PDZD2: variants seen among roughly 807,000 people sequenced by gnomAD.
PDZD2 encodes the protein PDZ domain containing 2, also known as PDZ domain-containing protein 2.
PDZD2 carries 90 observed loss-of-function variants against 220.7 expected under a neutral mutation model. That is an observed-to-expected ratio of 0.41 (90% CI 0.34 to 0.49). PDZD2 has a LOEUF of 0.49. PDZD2 is among the 20% of genes least tolerant of loss of function. PDZD2 has a pLI of 0.28. For missense variants in PDZD2, 3,174 were observed against 3,608.5 expected, an observed-to-expected ratio of 0.88 and a Z score of 3.08; for synonymous variants, 1,375 against 1,450.5, an observed-to-expected ratio of 0.95 and a Z score of 1.18.
chr5:31,852,648 G>A (rs1406990760), intron 2 of PDZD2, among the ~76,000 whole-genome samples: 2 of 152,180 alleles, frequency 1.3e-5, no homozygotes, highest in African/African-American at 4.8e-5. Context: ...CCAGGCTGGA[G>A]TGCAGTGATG....
chr5:31,678,616 A>G (rs1451042011), intron 1 of PDZD2, among the ~76,000 whole-genome samples: 3 of 152,006 alleles, frequency 2.0e-5, no homozygotes, highest in Admixed American at 6.6e-5. Context: ...GAATTTCTTA[A>G]TTAATTTATT....
chr5:31,695,765 T>C (rs1747353107), intron 1 of PDZD2, among the ~76,000 whole-genome samples: 1 of 152,168 alleles, frequency 6.6e-6, no homozygotes, highest in African/African-American at 2.4e-5. Context: ...TGGGTCTCCT[T>C]GGTCAGCCTT....
At chr5:31,780,415 T>C (rs1219038500) in intron 1 of PDZD2, among the ~76,000 whole-genome samples, 2 of 152,178 alleles carry the variant, frequency 1.3e-5, no homozygotes, top group African/African-American at 2.4e-5. Context: ...TGTTTAAATA[T>C]GGAGGTTTTG....
At chr5:32,102,972 A>AAT (rs1744397121) in intron 24 of PDZD2, among the ~76,000 whole-genome samples, 1 of 152,210 alleles carries the variant, frequency 6.6e-6, no homozygotes, top group South Asian at 2.1e-4. Flanking sequence ...TTTTTAAATT[A>AAT]ATGAGTAAAA....
intron 2 of PDZD2, among the ~76,000 whole-genome samples, chr5:31,846,264 G>C (rs1757583118): frequency 6.6e-6 from 1 of 152,202 alleles, no homozygotes; most frequent in South Asian, 2.1e-4. Context: ...CTCCCGAGTA[G>C]CTGGGATTAC....
chr5:31,826,944 T>G (rs890806072), intron 2 of PDZD2, among the ~76,000 whole-genome samples: 1 of 152,086 alleles, frequency 6.6e-6, no homozygotes, highest in African/African-American at 2.4e-5. Flanking sequence ...GACCTGAGTC[T>G]TTTTTTGCTG....
chr5:31,823,154 C>CAA lies in PDZD2; in HGVS notation c.476+23457_476+23458dup, dbSNP rs397997277. The CAA allele has an allele frequency of 2.9e-4, 31 of 105,458 alleles. 2 individuals carry two copies. Among genetic ancestry groups the CAA allele is most frequent in the African/African-American group, 1.1e-3 (26 of 23,028 alleles). 6.5% of individuals were successfully genotyped at this position (105,458 alleles called of 1,614,324 possible). On this transcript the variant is annotated intron_variant, in intron 2 of 24. Coordinates refer to ENST00000438447, the MANE Select transcript of PDZD2 (RefSeq NM_178140.4). Reference sequence around the variant, plus strand: ...GTCTTCATTCTCGCAGTAGACGTGGCAAAAAAAAAAAAAAAAAAAAAAAAA... The same window carrying CAA: ...GTCTTCATTCTCGCAGTAGACGTGGCAAAAAAAAAAAAAAAAAAAAAAAAAAA...
At chr5:31,685,387 T>C (rs1746812574) in intron 1 of PDZD2, among the ~76,000 whole-genome samples, 1 of 152,188 alleles carries the variant, frequency 6.6e-6, no homozygotes, top group African/African-American at 2.4e-5. Flanking sequence ...AAGAACTTTG[T>C]AATATGGAAA....
chr5:31,889,486 CA>C (rs1740815371), intron 2 of PDZD2, among the ~76,000 whole-genome samples: 1 of 152,192 alleles, frequency 6.6e-6, no homozygotes, highest in South Asian at 2.1e-4. Context: ...CCTGGCTTTG[CA>C]CAGACCTCAC....
At chr5:32,079,395 C>T (rs1741690680) in intron 19 of PDZD2, among the ~76,000 whole-genome samples, 1 of 151,912 alleles carries the variant, frequency 6.6e-6, no homozygotes, top group Non-Finnish European at 1.5e-5. Flanking sequence ...GGAGTCCCGG[C>T]AGTCCTCCGC....
At chr5:31,716,578 T>A (rs7713488) in intron 1 of PDZD2, among the ~76,000 whole-genome samples, 5 of 151,684 alleles carry the variant, frequency 3.3e-5, no homozygotes, top group South Asian at 2.1e-4. Flanking sequence ...CAAGGCGGGC[T>A]GATCACTTGA....
At chr5:31,851,719 T>C (rs1202001311) in intron 2 of PDZD2, among the ~76,000 whole-genome samples, 2 of 152,220 alleles carry the variant, frequency 1.3e-5, no homozygotes, top group Non-Finnish European at 2.9e-5. Flanking sequence ...TACTGGGCCA[T>C]TGATCTCTTT....
intron 2 of PDZD2, chr5:31,841,105 G>A (rs1463253617): frequency 4.7e-6 from 1 of 211,100 alleles, no homozygotes; most frequent in Non-Finnish European, 9.4e-6. Context: ...GTTCAGTAAG[G>A]CATAAAGAAG....
chr5:31,842,861 T>TTTG (rs1432688261), intron 2 of PDZD2, among the ~76,000 whole-genome samples: 1 of 152,118 alleles, frequency 6.6e-6, no homozygotes, highest in South Asian at 2.1e-4. Flanking sequence ...ACCCATGTTT[T>TTTG]TTGTTGTTGT....
chr5:31,689,326 T>TACAC (rs1747006500), intron 1 of PDZD2, among the ~76,000 whole-genome samples: 1 of 68,092 alleles, frequency 1.5e-5, no homozygotes, highest in Non-Finnish European at 2.5e-5. Context: ...TACACATATA[T>TACAC]ATACATATAC....
In PDZD2 at chr5:31,639,146, C is replaced by A. The variant is rs1479931534; in HGVS notation, c.-652C>A. Among the ~76,000 whole-genome samples, 1 of 152,102 alleles carries A rather than the reference C, an allele frequency of 6.6e-6. No individual in the cohort carries two copies. Among genetic ancestry groups the A allele is most frequent in the Non-Finnish European group, 1.5e-5 (1 of 67,980 alleles). The stretch of plus-strand genomic sequence containing the variant: ...GCCCATCCTGGAGGCTCGGCGGATC[C>A]CCTGCGCAGCGAGGCGAGGAGCGGA... On this transcript the variant is annotated 5_prime_UTR_variant, in exon 1 of 25. Coordinates refer to ENST00000438447, the MANE Select transcript of PDZD2 (RefSeq NM_178140.4). This position sits in a 1 kb window ranked among gnomAD's most constrained non-coding sequence, Gnocchi z 4.1.
chr5:32,098,431 T>C lies in PDZD2; in HGVS notation c.8015T>C (p.Leu2672Pro). The C allele has an allele frequency of 6.2e-7, 1 of 1,614,204 alleles. No homozygotes were observed. Among genetic ancestry groups the C allele is most frequent in the Non-Finnish European group, 8.5e-7 (1 of 1,180,030 alleles). Residue 2672 changes from leucine (L) to proline (P), a missense_variant, in exon 23 of 25, where the codon CTG becomes CCG. Transcript: ENST00000438447. This position sits in a 1 kb window ranked among gnomAD's most constrained non-coding sequence, Gnocchi z 4.1. ...ACTATGAACCGAGGGGATTTCCTTC[T>C]GTCAGTCAACGGCGCCTCACTGGCT... The part of the protein sequence containing the change: ...EGTMNRGDFL[L>P]SVNGASLAGL...
At chr5:31,777,475 C>G (rs1752752416) in intron 1 of PDZD2, among the ~76,000 whole-genome samples, 1 of 152,156 alleles carries the variant, frequency 6.6e-6, no homozygotes, top group African/African-American at 2.4e-5. Context: ...CTGGGCCCAT[C>G]GACCATCCAA....
intron 10 of PDZD2, among the ~76,000 whole-genome samples, chr5:32,056,265 A>G (rs2112322265): frequency 6.6e-6 from 1 of 152,360 alleles, no homozygotes; most frequent in East Asian, 1.9e-4. Context: ...AGGGGAAGCC[A>G]CATAACAAAT....
Sources: allele counts gnomAD v4.1 joint callset (sites outside exome capture counted in the v4.1 genomes callset), GRCh38; gene constraint gnomAD v4.1.1; non-coding constraint Gnocchi (gnomAD v3.1); transcripts MANE v1.5; gene names NCBI Gene and HGNC (gene_info 2026-07-23, HGNC 2026-07-21).